The following JAK3 variants were observed in gnomAD, a reference collection of about 807,000 sequenced individuals.
The protein encoded by JAK3 is Janus kinase 3.
A neutral mutation model predicts 120.8 loss-of-function variants in JAK3; 88 were observed. The observed-to-expected ratio is 0.73, with a 90% confidence interval of 0.61 to 0.87. The LOEUF is 0.87. Ranked by LOEUF, JAK3 falls within the 40% of genes least tolerant of loss-of-function variation. The probability of loss-of-function intolerance (pLI) is 0.00; values close to 1 mark genes in which losing one functional copy is unlikely to be tolerated. For missense variants in JAK3, 1,254 were observed against 1,501.4 expected, an observed-to-expected ratio of 0.84 and a Z score of 2.72; for synonymous variants, 592 against 628.6, an observed-to-expected ratio of 0.94 and a Z score of 0.87.
rs1288791135 is a variant in JAK3 at position 17,831,430 on chromosome 19, A to G, written c.2806-30T>C. 1 of 1,599,392 alleles carries G rather than the reference A, an allele frequency of 6.3e-7. No homozygotes were observed. Among genetic ancestry groups the G allele is most frequent in the Non-Finnish European group, 8.5e-7 (1 of 1,179,428 alleles). ...GGGCGGGCGGTGTGAGCGTGCAGAG[A>G]GGATCCCAGGATAATCCGGCAGGTA... On this transcript the variant is annotated intron_variant, in intron 20 of 23. Transcript: ENST00000458235. The surrounding 1 kb of genome is among the most constrained non-coding windows in gnomAD (Gnocchi z 5.1).
Position 17,831,560 on chromosome 19 carries a change from CT to C in JAK3, c.2805+113del. 1 of 1,501,552 alleles carries C rather than the reference CT, an allele frequency of 6.7e-7. No individual in the cohort carries two copies. The highest frequency in any genetic ancestry group is 9.0e-7 in the Non-Finnish European group (1 of 1,116,286). The allele number at this position is 1,501,552 out of a possible 1,614,324, so 93.0% of individuals were successfully genotyped here. A position where few individuals can be genotyped will look rare whatever the true frequency, so the allele number is the denominator to read the frequency against. On this transcript the variant is annotated intron_variant, in intron 20 of 23. Coordinates refer to ENST00000458235, the MANE Select transcript of JAK3 (RefSeq NM_000215.4). The surrounding 1 kb of genome is among the most constrained non-coding windows in gnomAD (Gnocchi z 5.1). Reference sequence around the variant, plus strand: ...CCTGAGCCCTAAGCCAACCCCACCACTCCCGAGACCTGGACCCCAAACCACT... The same window carrying C: ...CCTGAGCCCTAAGCCAACCCCACCACCCCGAGACCTGGACCCCAAACCACT...
chr19:17,831,010 C>T lies in JAK3; in HGVS notation c.2978+218G>A, dbSNP rs2094213270. 7.4e-6 allele frequency among the ~76,000 whole-genome samples: 1 copy of T among 134,688 alleles called. No homozygotes were observed. The highest frequency in any genetic ancestry group is 2.3e-4 in the South Asian group (1 of 4,262). The allele number at this position is 134,688 out of a possible 152,430, so 88.4% of individuals were successfully genotyped here. A position where few individuals can be genotyped will look rare whatever the true frequency, so the allele number is the denominator to read the frequency against. On this transcript the variant is annotated intron_variant, in intron 21 of 23. Transcript: ENST00000458235. The surrounding 1 kb of genome is among the most constrained non-coding windows in gnomAD (Gnocchi z 5.1). ...GGCGAGAGCTGAGAGAAGGGCGGGGCTAAGGCTGGGGGCCGCTGACAGCAG... is the reference window on the plus strand; with the variant it reads ...GGCGAGAGCTGAGAGAAGGGCGGGGTTAAGGCTGGGGGCCGCTGACAGCAG...
rs2094241079 is a variant in JAK3, at chr19:17,842,207, T to C, written c.861+109A>G. 3 of 1,224,504 alleles carry C rather than the reference T, an allele frequency of 2.4e-6. No individual in the cohort carries two copies. The highest frequency in any genetic ancestry group is 3.3e-6 in the Non-Finnish European group (3 of 908,750). 75.9% of individuals were successfully genotyped at this position (1,224,504 alleles called of 1,614,324 possible). ...CGCCCCTCATTAAGCCTCGCCCACTTCCCCAAGTCTTTCGTTTTGGCTCCG... is the reference window on the plus strand; with the variant it reads ...CGCCCCTCATTAAGCCTCGCCCACTCCCCCAAGTCTTTCGTTTTGGCTCCG... On this transcript the variant is annotated intron_variant, in intron 6 of 23. Transcript: ENST00000458235. This position sits in a 1 kb window ranked among gnomAD's most constrained non-coding sequence, Gnocchi z 6.4.
chr19:17,832,288 CAAAGT>C lies in JAK3; in HGVS notation c.2680+226_2680+230del, dbSNP rs1261105022. On this transcript the variant is annotated intron_variant, in intron 19 of 23. Coordinates refer to ENST00000458235, the MANE Select transcript of JAK3 (RefSeq NM_000215.4). The surrounding 1 kb of genome is among the most constrained non-coding windows in gnomAD (Gnocchi z 4.7). ...AAAAACAAACAAACAACAACAACAA[CAAAGT>C]AAATATCACAATGGCCCATTTTTCA... is the stretch of plus-strand genomic sequence containing the variant. 3.3e-5 allele frequency among the ~76,000 whole-genome samples: 5 copies of C among 151,912 alleles called. No individual in the cohort carries two copies. The highest frequency in any genetic ancestry group is 7.4e-5 in the Non-Finnish European group (5 of 67,988).
chr19:17,841,835 C>A lies in JAK3; in HGVS notation c.862-73G>T, dbSNP rs905141990. The A allele has an allele frequency of 1.1e-4, 174 of 1,553,152 alleles. No individual in the cohort carries two copies. The highest frequency in any genetic ancestry group is 9.2e-4 in the Admixed American group (49 of 53,404). On this transcript the variant is annotated intron_variant, in intron 6 of 23. Transcript: ENST00000458235. This position sits in a 1 kb window ranked among gnomAD's most constrained non-coding sequence, Gnocchi z 4.1. ...CAAACCACGCCCATGAACCCACCCC[C>A]AAGCCACACCATCCACTCCCTATCC... is the stretch of plus-strand genomic sequence containing the variant.
In JAK3 at chr19:17,832,408, G is replaced by T; in HGVS notation, c.2680+111C>A. The T allele has an allele frequency of 9.3e-7, 1 of 1,076,038 alleles. No individual in the cohort carries two copies. Among genetic ancestry groups the T allele is most frequent in the Non-Finnish European group, 1.4e-6 (1 of 697,190 alleles). 66.7% of individuals were successfully genotyped at this position (1,076,038 alleles called of 1,614,324 possible). ...CAAACCTGTAACCCATGTGAATCTG[G>T]ATCAATAATCACGTTCCCAGCCTAC... On this transcript the variant is annotated intron_variant, in intron 19 of 23. Transcript: ENST00000458235. This position sits in a 1 kb window ranked among gnomAD's most constrained non-coding sequence, Gnocchi z 4.7.
intron 14 of JAK3, 42 bp from the exon 15 acceptor site, chr19:17,835,257 T>C (rs1179504499): frequency 1.2e-6 from 2 of 1,606,050 alleles, no homozygotes; most frequent in East Asian, 2.2e-5. Flanking sequence ...GAGGGTTTGA[T>C]GAATGAAGAG....
At chr19:17,833,975 T>C (rs2094219112) in intron 17 of JAK3, among the ~76,000 whole-genome samples, 3 of 152,134 alleles carry the variant, frequency 2.0e-5, no homozygotes, top group Admixed American at 6.6e-5. Flanking sequence ...GGTCTTGAAC[T>C]CCTGGGCTCA....
In JAK3 at chr19:17,831,263, G is replaced by T. The variant is rs1446472008; in HGVS notation, c.2943C>A (p.Tyr981Ter). 6.2e-7 allele frequency: 1 copy of T among 1,612,496 alleles called. No homozygotes were observed. Among genetic ancestry groups the T allele is most frequent in the Non-Finnish European group, 8.5e-7 (1 of 1,179,784 alleles). Residue 981 changes from tyrosine (Y) to a stop codon, truncating the protein, a stop_gained, in exon 21 of 24, where the codon TAC (tyrosine) becomes TAA (stop). Transcript: ENST00000458235. LOFTEE classifies it high-confidence loss of function. This position sits in a 1 kb window ranked among gnomAD's most constrained non-coding sequence, Gnocchi z 5.1. ...AKLLPLDKDY[Y>*]VVREPGQSPI... ...GGCTCTGGCCTGGCTCGCGGACCAC[G>T]TAGTAGTCTTTGTCAAGCGGCAGCA...
rs960558007 is a variant in JAK3 at position 17,842,635 on chromosome 19, C to G, written c.567-25G>C. The G allele has an allele frequency of 3.3e-6, 5 of 1,536,134 alleles. No homozygotes were observed. Among genetic ancestry groups the G allele is most frequent in the Non-Finnish European group, 4.4e-6 (5 of 1,137,598 alleles). The stretch of plus-strand genomic sequence containing the variant: ...GCTGCAGGGGTTGGAGGGGAGGGAG[C>G]CGGCCCTCAGCGTCGGGAGGGGTCC... On this transcript the variant is annotated intron_variant, in intron 5 of 23. Transcript: ENST00000458235. This position sits in a 1 kb window ranked among gnomAD's most constrained non-coding sequence, Gnocchi z 6.4.
At chr19:17,838,145 C>T (rs2094228891) in intron 11 of JAK3, 82 bp from the exon 12 acceptor site, 2 of 1,612,418 alleles carry the variant, frequency 1.2e-6, no homozygotes, top group African/African-American at 2.7e-5. Flanking sequence ...AGCTGCTGGC[C>T]CCATTTTACA....
chr19:17,838,996 G>A (rs1445933673), intron 10 of JAK3, among the ~76,000 whole-genome samples: 1 of 152,148 alleles, frequency 6.6e-6, no homozygotes, highest in East Asian at 1.9e-4. Flanking sequence ...TATTACAGAC[G>A]TGAGCCACTG....
rs1428283381 is a variant in JAK3 at position 17,847,956 on chromosome 19, G to T, written c.-24C>A. 61 of 1,035,192 alleles carry T rather than the reference G, an allele frequency of 5.9e-5. No individual in the cohort carries two copies. The highest frequency in any genetic ancestry group is 8.4e-5 in the African/African-American group (5 of 59,212). The allele number at this position is 1,035,192 out of a possible 1,614,324, so 64.1% of individuals were successfully genotyped here. On this transcript the variant is annotated 5_prime_UTR_variant, in exon 1 of 24. In the 5' UTR this introduces an upstream ATG that the reference lacks. Coordinates refer to ENST00000458235, the MANE Select transcript of JAK3 (RefSeq NM_000215.4). ...ATCGCCAGCTCTTACCTAGCGGGCAGGGACCCTGGACTTTCGAAGGGCGGG... is the reference window on the plus strand; with the variant it reads ...ATCGCCAGCTCTTACCTAGCGGGCATGGACCCTGGACTTTCGAAGGGCGGG...
chr19:17,842,641 C>A lies in JAK3; in HGVS notation c.567-31G>T. On this transcript the variant is annotated intron_variant, in intron 5 of 23. Transcript: ENST00000458235. The surrounding 1 kb of genome is among the most constrained non-coding windows in gnomAD (Gnocchi z 6.4). The stretch of plus-strand genomic sequence containing the variant: ...GGGGTTGGAGGGGAGGGAGCCGGCC[C>A]TCAGCGTCGGGAGGGGTCCCCGCGG... 2 of 1,526,432 alleles carry A rather than the reference C, an allele frequency of 1.3e-6. No homozygotes were observed. The highest frequency in any genetic ancestry group is 1.8e-6 in the Non-Finnish European group (2 of 1,132,880). 94.6% of individuals were successfully genotyped at this position (1,526,432 alleles called of 1,614,324 possible). A position where few individuals can be genotyped will look rare whatever the true frequency, so the allele number is the denominator to read the frequency against.
In JAK3 at chr19:17,831,568, A is replaced by C. The variant is rs2094214571; in HGVS notation, c.2805+106T>G. The stretch of plus-strand genomic sequence containing the variant: ...CTAAGCCAACCCCACCACTCCCGAG[A>C]CCTGGACCCCAAACCACTCCTCAGC... On this transcript the variant is annotated intron_variant, in intron 20 of 23. Transcript: ENST00000458235. The surrounding 1 kb of genome is among the most constrained non-coding windows in gnomAD (Gnocchi z 5.1). 9 of 1,509,742 alleles carry C rather than the reference A, an allele frequency of 6.0e-6. No homozygotes were observed. Among genetic ancestry groups the C allele is most frequent in the South Asian group, 1.2e-5 (1 of 83,982 alleles). 93.5% of individuals were successfully genotyped at this position (1,509,742 alleles called of 1,614,324 possible). A position where few individuals can be genotyped will look rare whatever the true frequency, so the allele number is the denominator to read the frequency against.
In JAK3 at chr19:17,832,428, G is replaced by A; in HGVS notation, c.2680+91C>T. On this transcript the variant is annotated intron_variant, in intron 19 of 23. Transcript: ENST00000458235. The surrounding 1 kb of genome is among the most constrained non-coding windows in gnomAD (Gnocchi z 4.7). ...ATCTGGATCAATAATCACGTTCCCA[G>A]CCTACCTAAAGTGGCCTGGCAGGAG... 1 of 1,255,816 alleles carries A rather than the reference G, an allele frequency of 8.0e-7. No individual in the cohort carries two copies. The highest frequency in any genetic ancestry group is 1.2e-6 in the Non-Finnish European group (1 of 856,212). 77.8% of individuals were successfully genotyped at this position (1,255,816 alleles called of 1,614,324 possible).
chr19:17,841,562 G>A lies in JAK3; in HGVS notation c.985-16C>T, dbSNP rs754655050. On this transcript the variant is annotated splice_polypyrimidine_tract_variant and intron_variant, in intron 7 of 23. Coordinates refer to ENST00000458235, the MANE Select transcript of JAK3 (RefSeq NM_000215.4). The surrounding 1 kb of genome is among the most constrained non-coding windows in gnomAD (Gnocchi z 4.1). Reference sequence around the variant, plus strand: ...ACTCGGCCTCCTGCGAGGGACAAGCGTCAGAGCCCAGTGAAACCCGAGGGT... The same window carrying A: ...ACTCGGCCTCCTGCGAGGGACAAGCATCAGAGCCCAGTGAAACCCGAGGGT... 6.2e-7 allele frequency: 1 copy of A among 1,601,588 alleles called. No homozygotes were observed. The highest frequency in any genetic ancestry group is 8.5e-7 in the Non-Finnish European group (1 of 1,174,214).
At chr19:17,828,159 C>A (rs2094207545) in intron 23 of JAK3, among the ~76,000 whole-genome samples, 1 of 152,116 alleles carries the variant, frequency 6.6e-6, no homozygotes, top group Non-Finnish European at 1.5e-5. Context: ...CCTCTTTGAC[C>A]ACCCCCACCC....
chr19:17,830,270 G>C, intron 22 of JAK3, 52 bp from the exon 23 acceptor site: 1 of 1,422,072 alleles, frequency 7.0e-7, no homozygotes, highest in Non-Finnish European at 9.7e-7. Flanking sequence ...CGTGGGTGGA[G>C]GGGGAGGGGC....
Sources: allele counts gnomAD v4.1 joint callset (sites outside exome capture counted in the v4.1 genomes callset), GRCh38; gene constraint gnomAD v4.1.1; non-coding constraint Gnocchi (gnomAD v3.1); transcripts MANE v1.5; gene names NCBI Gene and HGNC (gene_info 2026-07-23, HGNC 2026-07-21).